PIK3C2G: variants seen among roughly 807,000 people sequenced by gnomAD.
The protein encoded by PIK3C2G is phosphatidylinositol-4-phosphate 3-kinase catalytic subunit type 2 gamma.
PIK3C2G carries 168 observed loss-of-function variants against 181.1 expected under a neutral mutation model. The ratio of observed to expected loss-of-function variants is 0.93; its 90% CI spans 0.82 to 1.05. The LOEUF is 1.05. Ranked by LOEUF, PIK3C2G falls within the 50% of genes least tolerant of loss-of-function variation. The pLI, the probability that PIK3C2G is intolerant of heterozygous loss-of-function variation, is 0.00. For synonymous variants in PIK3C2G, 573 were observed against 592.2 expected, an observed-to-expected ratio of 0.97 and a Z score of 0.47; for missense variants, 1,869 against 1,732.8, an observed-to-expected ratio of 1.08 and a Z score of -1.40.
At chr12:18,363,337 T>G (rs888520147) in intron 12 of PIK3C2G, among the ~76,000 whole-genome samples, 1 of 152,176 alleles carries the variant, frequency 6.6e-6, no homozygotes, top group African/African-American at 2.4e-5. Context: ...TAAACATCTA[T>G]AGATGTGTAA....
At chr12:18,712,482 G>A in the PIK3C2G span, among the ~76,000 whole-genome samples, 6 of 151,938 alleles carry the variant, frequency 3.9e-5, no homozygotes, top group Non-Finnish European at 7.4e-5. Context: ...ATTTTATTTT[G>A]TCTTGAAAGT....
chr12:18,360,934 C>T (rs1296581815), intron 11 of PIK3C2G, among the ~76,000 whole-genome samples: 4 of 152,082 alleles, frequency 2.6e-5, no homozygotes, highest in African/African-American at 7.2e-5. Flanking sequence ...AAGTTTTTCA[C>T]CATTACTTTT....
chr12:18,697,503 A>G, the PIK3C2G span, among the ~76,000 whole-genome samples: 1 of 152,166 alleles, frequency 6.6e-6, no homozygotes, highest in African/African-American at 2.4e-5. Flanking sequence ...CTAAGGTCTC[A>G]TAACATAATA....
At chr12:18,466,215 A>G (rs925557353) in intron 18 of PIK3C2G, among the ~76,000 whole-genome samples, 1 of 148,550 alleles carries the variant, frequency 6.7e-6, no homozygotes. Flanking sequence ...CATCTTTTTT[A>G]TTCCCCCTTA....
At chr12:18,693,347 G>C in the PIK3C2G span, 7 of 1,586,696 alleles carry the variant, frequency 4.4e-6, 1 homozygote, top group African/African-American at 5.4e-5. Flanking sequence ...CTGGGGGGTT[G>C]GACAACCAAA....
chr12:18,420,330 T>G (rs946935737), intron 16 of PIK3C2G, among the ~76,000 whole-genome samples: 2 of 152,136 alleles, frequency 1.3e-5, no homozygotes. Flanking sequence ...CCTCACAAAT[T>G]TATTTAAATA....
intron 16 of PIK3C2G, among the ~76,000 whole-genome samples, chr12:18,409,914 C>G (rs1330000842): frequency 3.3e-5 from 5 of 151,998 alleles, no homozygotes; most frequent in Non-Finnish European, 7.4e-5. Context: ...CATGGCTGGG[C>G]AGGAGGAAGA....
intron 32 of PIK3C2G, among the ~76,000 whole-genome samples, chr12:18,646,102 G>A (rs1009888143): frequency 6.6e-6 from 1 of 152,154 alleles, no homozygotes; most frequent in African/African-American, 2.4e-5. Context: ...ATGAATTACA[G>A]TGGTAGGGTT....
chr12:18,497,481 T>C, intron 21 of PIK3C2G, 138 bp from the exon 22 acceptor site: 1 of 490,944 alleles, frequency 2.0e-6, no homozygotes, highest in Non-Finnish European at 3.4e-6. Context: ...GTAATTTTAG[T>C]GCTAACAAAA....
intron 31 of PIK3C2G, among the ~76,000 whole-genome samples, chr12:18,612,300 C>T (rs868756417): frequency 5.9e-5 from 9 of 152,228 alleles, no homozygotes; most frequent in Non-Finnish European, 1.2e-4. Flanking sequence ...CTCACCTTTT[C>T]AGTAAAGTCC....
At chr12:18,440,161 C>T (rs953098922) in intron 18 of PIK3C2G, among the ~76,000 whole-genome samples, 2 of 151,880 alleles carry the variant, frequency 1.3e-5, no homozygotes, top group Non-Finnish European at 2.9e-5. Flanking sequence ...TATGGGGCCA[C>T]GGTGTTGGAT....
chr12:18,559,024 T>C (rs1478187988), intron 26 of PIK3C2G, among the ~76,000 whole-genome samples: 1 of 152,196 alleles, frequency 6.6e-6, no homozygotes, highest in Non-Finnish European at 1.5e-5. Flanking sequence ...TGCATGTCTG[T>C]ATGTTTGCAT....
Sources: allele counts gnomAD v4.1 joint callset (sites outside exome capture counted in the v4.1 genomes callset), GRCh38; gene constraint gnomAD v4.1.1; transcripts MANE v1.5; gene names NCBI Gene and HGNC (gene_info 2026-07-23, HGNC 2026-07-21).